The following EFCAB6 variants were observed in gnomAD, a reference collection of about 807,000 sequenced individuals.
EFCAB6 encodes the protein EF-hand calcium binding domain 6, also known as EF-hand calcium-binding domain-containing protein 6.
In EFCAB6, 156 loss-of-function variants were observed where a neutral mutation model predicts 169.8. That is an observed-to-expected ratio of 0.92 (90% CI 0.81 to 1.05). The LOEUF (loss-of-function observed/expected upper bound fraction) is 1.05, where lower values mean the gene tolerates loss of function less well. EFCAB6 is among the 50% of genes least tolerant of loss of function. The probability of loss-of-function intolerance (pLI) is 0.00; values close to 1 mark genes in which losing one functional copy is unlikely to be tolerated. For missense variants in EFCAB6, 1,800 were observed against 1,829.1 expected (o/e 0.98, Z 0.29); for synonymous variants, 698 against 676.4 (o/e 1.03, Z -0.50).
intron 17 of EFCAB6, among the ~76,000 whole-genome samples, chr22:43,646,077 T>C (rs1032600676): frequency 2.0e-5 from 3 of 152,192 alleles, no homozygotes; most frequent in Non-Finnish European, 4.4e-5. Flanking sequence ...ACATGGCAGA[T>C]AAAAGCAGAC....
rs1236639646 is a variant in EFCAB6, at chr22:43,667,417, C to G, written c.1815-145G>C. On this transcript the variant is annotated intron_variant, in intron 16 of 31. Transcript: ENST00000262726. ...ACTAGCTGGGAAGGGTGGAGTGACT[C>G]AGGGGCTTCTTACCCTCCCCTGGCT... 40 of 1,039,026 alleles carry G rather than the reference C, an allele frequency of 3.8e-5. 1 individual carries two copies. The highest frequency in any genetic ancestry group is 5.3e-5 in the Non-Finnish European group (38 of 722,682). The allele number at this position is 1,039,026 out of a possible 1,614,324, so 64.4% of individuals were successfully genotyped here.
intron 24 of EFCAB6, among the ~76,000 whole-genome samples, chr22:43,589,154 T>C (rs1569207131): frequency 1.3e-5 from 2 of 151,758 alleles, no homozygotes; most frequent in South Asian, 4.2e-4. Flanking sequence ...TGGTGGCTCA[T>C]GCCTGTAATC....
At chr22:43,728,749 T>C (rs1293440161) in intron 8 of EFCAB6, among the ~76,000 whole-genome samples, 1 of 152,240 alleles carries the variant, frequency 6.6e-6, no homozygotes, top group Non-Finnish European at 1.5e-5. Context: ...ACCCACTTTT[T>C]GATGGGGTTG....
chr22:43,717,315 C>T (rs949610570), intron 8 of EFCAB6, among the ~76,000 whole-genome samples: 18 of 149,440 alleles, frequency 1.2e-4, no homozygotes, highest in African/African-American at 4.4e-4. Flanking sequence ...ACACTAAAGC[C>T]AGAATTTATT....
chr22:43,755,008 G>A (rs1037164315), intron 6 of EFCAB6, among the ~76,000 whole-genome samples: 3 of 152,150 alleles, frequency 2.0e-5, no homozygotes, highest in Non-Finnish European at 4.4e-5. Context: ...GGTGTTAATG[G>A]TATCAGCTAG....
chr22:43,604,488 C>A (rs2052765915), intron 22 of EFCAB6, among the ~76,000 whole-genome samples: 1 of 152,200 alleles, frequency 6.6e-6, no homozygotes, highest in South Asian at 2.1e-4. Context: ...GTATTCAGTG[C>A]TTCTAAAAGT....
Position 43,802,582 on chromosome 22 carries a change from A to C in EFCAB6, c.-8+6413T>G, listed in dbSNP as rs183876458. The C allele has an allele frequency of 1.2e-5, 5 of 421,334 alleles. No homozygotes were observed. In the East Asian group the frequency reaches 2.9e-4, roughly 25 times the overall value. 26.1% of individuals were successfully genotyped at this position (421,334 alleles called of 1,614,324 possible). ...TGAAGGACAAATCACAGAGATCTGC[A>C]AGCTTGTCTGCTAAACCTGCTCCTC... On this transcript the variant is annotated intron_variant, in intron 2 of 31. Transcript: ENST00000262726.
Position 43,580,648 on chromosome 22 carries a change from C to G in EFCAB6, c.3044G>C (p.Ser1015Thr), listed in dbSNP as rs1278133963. ...LTHLLNSWGV[S>T]RHDNAINYLD... ...GTAATTGATAGCATTATCATGCCGG[C>G]TGACTCCCCAACTTGTCCCAAAAGG... Residue 1015 changes from serine (S) to threonine (T), a missense_variant, in exon 25 of 32, where the codon AGC becomes ACC. Ser to Thr is a moderately conservative substitution (Grantham distance 58). Transcript: ENST00000262726. 6.2e-7 allele frequency: 1 copy of G among 1,613,932 alleles called. No homozygotes were observed. The highest frequency in any genetic ancestry group is 8.5e-7 in the Non-Finnish European group (1 of 1,180,002).
At chr22:43,748,965 A>C (rs1357361246) in intron 6 of EFCAB6, among the ~76,000 whole-genome samples, 1 of 152,206 alleles carries the variant, frequency 6.6e-6, no homozygotes, top group African/African-American at 2.4e-5. Context: ...TGTGGAATGC[A>C]GATTATAAGG....
At chr22:43,609,489 C>G (rs2053158701) in intron 21 of EFCAB6, among the ~76,000 whole-genome samples, 1 of 151,934 alleles carries the variant, frequency 6.6e-6, no homozygotes. Context: ...TGTCAACAGG[C>G]AAAATCAATC....
chr22:43,746,638 C>T (rs569370127), intron 6 of EFCAB6, among the ~76,000 whole-genome samples: 8 of 152,198 alleles, frequency 5.3e-5, no homozygotes, highest in East Asian at 1.9e-4. Flanking sequence ...AGGCTGGGTG[C>T]GGTGGCTCAT....
At chr22:43,682,148 G>C (rs566119052) in intron 12 of EFCAB6, among the ~76,000 whole-genome samples, 2 of 152,210 alleles carry the variant, frequency 1.3e-5, no homozygotes, top group East Asian at 3.9e-4. Flanking sequence ...GTGCATGGTG[G>C]GGGGATGGGA....
intron 21 of EFCAB6, among the ~76,000 whole-genome samples, chr22:43,609,251 C>G (rs1242273342): frequency 2.0e-5 from 3 of 152,186 alleles, no homozygotes; most frequent in Non-Finnish European, 2.9e-5. Context: ...AAACATTCCC[C>G]CTAAGATCAG....
intron 23 of EFCAB6, among the ~76,000 whole-genome samples, chr22:43,596,251 T>C (rs1244485683): frequency 6.6e-6 from 1 of 151,924 alleles, no homozygotes; most frequent in African/African-American, 2.4e-5. Context: ...ACCTGAGCAA[T>C]TAAGCAAGAG....
At chr22:43,804,306 T>C (rs1318561992) in intron 2 of EFCAB6, among the ~76,000 whole-genome samples, 1 of 152,078 alleles carries the variant, frequency 6.6e-6, no homozygotes, top group South Asian at 2.1e-4. Context: ...CCAAAGTCTA[T>C]GGGCTACAGC....
In EFCAB6 at chr22:43,537,291, C is replaced by T. The variant is rs1013626417; in HGVS notation, c.4048+86G>A. On this transcript the variant is annotated intron_variant, in intron 29 of 31. Transcript: ENST00000262726. The surrounding 1 kb of genome is among the most constrained non-coding windows in gnomAD (Gnocchi z 4.3). Reference sequence around the variant, plus strand: ...GTTCTGCTGCTCCCTGGCCTCCACCCGGGGTGTGGCTTTGTACCCAGTGGG... The same window carrying T: ...GTTCTGCTGCTCCCTGGCCTCCACCTGGGGTGTGGCTTTGTACCCAGTGGG... The T allele has an allele frequency of 1.5e-5, 23 of 1,510,894 alleles. No individual in the cohort carries two copies. Among genetic ancestry groups the T allele is most frequent in the African/African-American group, 1.2e-4 (9 of 72,180 alleles). The allele number at this position is 1,510,894 out of a possible 1,614,324, so 93.6% of individuals were successfully genotyped here. A position where few individuals can be genotyped will look rare whatever the true frequency, so the allele number is the denominator to read the frequency against.
intron 3 of EFCAB6, 110 bp from the exon 4 acceptor site, chr22:43,773,213 C>T: frequency 9.6e-7 from 1 of 1,044,444 alleles, no homozygotes; most frequent in Non-Finnish European, 1.4e-6. Context: ...GGTATTTCTC[C>T]CACCATATCT....
At chr22:43,724,206 T>G (rs1365637086) in intron 8 of EFCAB6, among the ~76,000 whole-genome samples, 4 of 152,128 alleles carry the variant, frequency 2.6e-5, no homozygotes, top group South Asian at 4.1e-4. Flanking sequence ...ACTCTCAAGC[T>G]CAGCCTGTCA....
intron 23 of EFCAB6, 58 bp from the exon 24 acceptor site, chr22:43,590,287 A>G (rs1179363811): frequency 6.4e-7 from 1 of 1,573,280 alleles, no homozygotes; most frequent in African/African-American, 1.4e-5. Context: ...TAACTCCTTT[A>G]AAGCAAACAC....
Sources: gnomAD v4.1 joint callset for allele counts (sites outside exome capture counted in the v4.1 genomes callset) on GRCh38, gnomAD v4.1.1 for gene constraint, Gnocchi (gnomAD v3.1) non-coding constraint, MANE v1.5 for transcripts, NCBI Gene and HGNC (gene_info 2026-07-23, HGNC 2026-07-21) for gene names.